BICRAL: variants seen among roughly 807,000 people sequenced by gnomAD.
BICRAL encodes the protein BRD4-interacting chromatin-remodeling complex-associated protein-like.
In BICRAL, 8 loss-of-function variants were observed where a neutral mutation model predicts 91.8. That is an observed-to-expected ratio of 0.09 (90% CI 0.05 to 0.16). The LOEUF is 0.16. BICRAL is among the 10% of genes least tolerant of loss of function. BICRAL has a pLI of 1.00. For synonymous variants in BICRAL, 445 were observed against 491.1 expected (o/e 0.91, Z 1.24); for missense variants, 1,038 against 1,310.9 (o/e 0.79, Z 3.21).
At chr6:42,781,611 GT>G (rs1762911429), upstream of BICRAL, among the ~76,000 whole-genome samples, 1 of 149,696 alleles carries the variant, frequency 6.7e-6, no homozygotes, top group African/African-American at 2.5e-5. Flanking sequence ...GTGTGTGTGT[GT>G]GTGTGTGTGT....
chr6:42,803,660 A>G (rs1052444698), intron 1 of BICRAL, among the ~76,000 whole-genome samples: 4 of 152,258 alleles, frequency 2.6e-5, no homozygotes, highest in Admixed American at 2.6e-4. Context: ...TAACACAGAA[A>G]TGAAAGGAAA....
At chr6:42,750,928 T>C (rs965676707) in intron 1 of BICRAL, among the ~76,000 whole-genome samples, 3 of 128,754 alleles carry the variant, frequency 2.3e-5, no homozygotes, top group Admixed American at 9.4e-5. Flanking sequence ...AGTTCTGGGA[T>C]GCATGTGCAG....
At chr6:42,774,589 G>T (rs61111282) in intron 1 of BICRAL, among the ~76,000 whole-genome samples, 2,236 of 152,064 alleles carry the variant, frequency 0.015, 53 homozygotes, top group African/African-American at 0.051. Context: ...GTAGTTGATT[G>T]TATGATTTAT....
In BICRAL at chr6:42,821,903, C is replaced by T. The variant is rs879183485; in HGVS notation, c.-5-115C>T. 19 of 591,664 alleles carry T rather than the reference C, an allele frequency of 3.2e-5. No homozygotes were observed. The South Asian group carries it at 3.3e-4, about 10-fold the overall frequency. The allele number at this position is 591,664 out of a possible 1,614,324, so 36.7% of individuals were successfully genotyped here. On this transcript the variant is annotated intron_variant, in intron 2 of 12. Coordinates refer to ENST00000314073, the MANE Select transcript of BICRAL (RefSeq NM_001393499.1). ...TTAATATTAAGCAGAGGAAAACTCA[C>T]GTGAATTACAGTTATTTATCCAGAA...
chr6:42,856,476 G>C (rs1372238164), intron 9 of BICRAL, among the ~76,000 whole-genome samples: 1 of 137,066 alleles, frequency 7.3e-6, no homozygotes. Context: ...CTGGGCTCAA[G>C]TGATTCTCCC....
At chr6:42,818,668 C>A (rs1228778995) in intron 2 of BICRAL, among the ~76,000 whole-genome samples, 1 of 151,638 alleles carries the variant, frequency 6.6e-6, no homozygotes, top group Non-Finnish European at 1.5e-5. Flanking sequence ...AAAAAAAATT[C>A]TCCCATGAGT....
At chr6:42,797,927 T>A (rs564417882) in intron 1 of BICRAL, among the ~76,000 whole-genome samples, 2 of 152,088 alleles carry the variant, frequency 1.3e-5, no homozygotes, top group East Asian at 3.9e-4. Context: ...AGTGAGCCAC[T>A]ATTGCATCAC....
In BICRAL at chr6:42,867,232, T is replaced by C. The variant is rs1765736967; in HGVS notation, c.*1786T>C. ...CAGAAGACCTATACCCCGGTGCCCC[T>C]GTGTCCCACTACACACAGAAAACCC... On this transcript the variant is annotated 3_prime_UTR_variant, in exon 13 of 13. Transcript: ENST00000314073. 5.7e-6 allele frequency: 1 copy of C among 176,876 alleles called. No homozygotes were observed. The highest frequency in any genetic ancestry group is 1.3e-4 in the South Asian group (1 of 7,808). 11.0% of individuals were successfully genotyped at this position (176,876 alleles called of 1,614,324 possible).
chr6:42,833,118 C>G (rs548103571), intron 6 of BICRAL, among the ~76,000 whole-genome samples: 1 of 151,388 alleles, frequency 6.6e-6, no homozygotes, highest in Non-Finnish European at 1.5e-5. Context: ...TGCAGTAGCC[C>G]GATCTCAGCT....
chr6:42,774,349 A>T (rs1762781559), intron 1 of BICRAL, among the ~76,000 whole-genome samples: 1 of 152,326 alleles, frequency 6.6e-6, no homozygotes. Context: ...GGTGGGTGTT[A>T]CAAACATGCA....
At chr6:42,814,199 G>A (rs17661932) in intron 2 of BICRAL, among the ~76,000 whole-genome samples, 1,482 of 136,064 alleles carry the variant, frequency 0.011, 9 homozygotes, top group Non-Finnish European at 0.015. Flanking sequence ...AATGTCAGTA[G>A]TTTTTGGTAA....
chr6:42,761,106 C>T (rs1349450982), intron 1 of BICRAL, among the ~76,000 whole-genome samples: 1 of 152,218 alleles, frequency 6.6e-6, no homozygotes, highest in Non-Finnish European at 1.5e-5. Context: ...TCTCACGTCT[C>T]TTCCTATCAG....
Position 42,857,181 on chromosome 6 carries a change from G to A in BICRAL, c.2199G>A (p.Leu733=). Residue 733 remains leucine, a synonymous_variant, in exon 10 of 13, where the codon CTG becomes CTA. Coordinates refer to ENST00000314073, the MANE Select transcript of BICRAL (RefSeq NM_001393499.1). The part of the protein sequence containing the change: ...FRSLSDAVQR[L]LSYHVCQGSM... Reference sequence around the variant, plus strand: ...CACTAAGTGATGCGGTACAGAGACTGCTCTCCTACCACGTGTGCCAGGGCT... The same window carrying A: ...CACTAAGTGATGCGGTACAGAGACTACTCTCCTACCACGTGTGCCAGGGCT... 1 of 1,613,664 alleles carries A rather than the reference G, an allele frequency of 6.2e-7. No individual in the cohort carries two copies. Among genetic ancestry groups the A allele is most frequent in the African/African-American group, 1.3e-5 (1 of 74,986 alleles).
At chr6:42,844,882 T>G (rs1176512638) in intron 6 of BICRAL, among the ~76,000 whole-genome samples, 1 of 152,160 alleles carries the variant, frequency 6.6e-6, no homozygotes, top group Admixed American at 6.6e-5. Context: ...GCTAGGATTC[T>G]TTGTAGACAG....
chr6:42,857,515 G>A (rs1389001026), intron 10 of BICRAL, among the ~76,000 whole-genome samples: 2 of 150,444 alleles, frequency 1.3e-5, no homozygotes, highest in Admixed American at 6.7e-5. Flanking sequence ...GTGAGCCCAG[G>A]AGTTTGAGAC....
chr6:42,836,984 G>A (rs1441645593), intron 6 of BICRAL, among the ~76,000 whole-genome samples: 3 of 149,180 alleles, frequency 2.0e-5, no homozygotes, highest in African/African-American at 2.5e-5. Context: ...TCACTCTACC[G>A]CCCAGGCTGG....
At chr6:42,822,397 T>C (rs890885082) in intron 3 of BICRAL, among the ~76,000 whole-genome samples, 2 of 150,542 alleles carry the variant, frequency 1.3e-5, no homozygotes, top group Non-Finnish European at 3.0e-5. Flanking sequence ...CACACCACCA[T>C]GCCTGGCTAA....
At chr6:42,851,397 G>GT (rs552615235) in intron 6 of BICRAL, among the ~76,000 whole-genome samples, 2 of 151,770 alleles carry the variant, frequency 1.3e-5, no homozygotes, top group Admixed American at 1.3e-4. Flanking sequence ...GATAACATAA[G>GT]TTTTTTTTAA....
intron 10 of BICRAL, among the ~76,000 whole-genome samples, chr6:42,858,911 T>C (rs1765469705): frequency 6.6e-6 from 1 of 152,146 alleles, no homozygotes; most frequent in Non-Finnish European, 1.5e-5. Flanking sequence ...CCATGCTCTT[T>C]CCCACCACCA....
Sources: gnomAD v4.1 joint callset for allele counts (sites outside exome capture counted in the v4.1 genomes callset) on GRCh38, gnomAD v4.1.1 for gene constraint, MANE v1.5 for transcripts, NCBI Gene and HGNC (gene_info 2026-07-23, HGNC 2026-07-21) for gene names.